The following ASPH variants were observed in gnomAD, a reference collection of about 807,000 sequenced individuals.
ASPH encodes aspartyl/asparaginyl beta-hydroxylase.
A neutral mutation model predicts 118.4 loss-of-function variants in ASPH; 100 were observed. The ratio of observed to expected loss-of-function variants is 0.84; its 90% CI spans 0.72 to 1.00. The LOEUF is 1.00. Among genes scored for constraint, ASPH ranks in the 50% least tolerant of loss-of-function variants. The pLI is 0.00. For synonymous variants in ASPH, 315 were observed against 325.6 expected (o/e 0.97, Z 0.35); for missense variants, 920 against 919.5 (o/e 1.00, Z -0.01).
Position 61,517,537 on chromosome 8 carries a change from T to C in ASPH, c.2117A>G (p.Asn706Ser). 2.5e-6 allele frequency: 4 copies of C among 1,614,104 alleles called. No individual in the cohort carries two copies. The highest frequency in any genetic ancestry group is 3.4e-6 in the Non-Finnish European group (4 of 1,179,948). Residue 706 changes from asparagine (N) to serine (S), a missense_variant, in exon 24 of 25, where the codon AAC becomes AGC. Transcript: ENST00000379454. The stretch of plus-strand genomic sequence containing the variant: ...AACAGAGGACCCATACTTGGTCTCG[T>C]TGGCACATCGAATCTTGCAGCCTTC... Reference protein sequence around the residue: ...PKEGCKIRCANETKTWEEGKV... With the variant: ...PKEGCKIRCASETKTWEEGKV...
intron 13 of ASPH, among the ~76,000 whole-genome samples, chr8:61,628,014 C>G (rs1346205905): frequency 2.0e-5 from 3 of 152,058 alleles, no homozygotes; most frequent in Non-Finnish European, 4.4e-5. Context: ...TGCAGCCAAG[C>G]TCCCACCATT....
At chr8:61,518,562 G>A (rs1291635122) in intron 22 of ASPH, among the ~76,000 whole-genome samples, 1 of 152,032 alleles carries the variant, frequency 6.6e-6, no homozygotes, top group Non-Finnish European at 1.5e-5. Context: ...AACATATTTT[G>A]TATGTTATAT....
chr8:61,526,014 T>C lies in ASPH; in HGVS notation c.1863A>G (p.Glu621=). 6.2e-7 allele frequency: 1 copy of C among 1,614,022 alleles called. No individual in the cohort carries two copies. ...GCGTGAACTGGCTCCAGTCCCCTTT[T>C]TCCCTCAGGTTTTCATCCTCAGGCA... is the stretch of plus-strand genomic sequence containing the variant. ...LFLPEDENLR[E]KGDWSQFTLW... is the part of the protein sequence containing the mutation. Residue 621 remains glutamate (E), a synonymous_variant, in exon 22 of 25, where the codon GAA becomes GAG. Transcript: ENST00000379454.
intron 4 of ASPH, 140 bp downstream of exon 4, chr8:61,653,428 A>G (rs1812096983): frequency 3.9e-6 from 3 of 767,514 alleles, no homozygotes; most frequent in Non-Finnish European, 6.1e-6. Context: ...ATACTACATA[A>G]TTTCAGAAGA....
intron 1 of ASPH, among the ~76,000 whole-genome samples, chr8:61,711,451 T>C (rs1318887109): frequency 3.3e-5 from 5 of 152,204 alleles, no homozygotes; most frequent in African/African-American, 1.2e-4. Flanking sequence ...AATTTATTCA[T>C]GTTTCTTTTA....
chr8:61,510,224 T>C (rs1276925432), intron 24 of ASPH, among the ~76,000 whole-genome samples: 2 of 152,174 alleles, frequency 1.3e-5, no homozygotes, highest in African/African-American at 2.4e-5. Context: ...CTTCCTAATA[T>C]ACAGATGGGG....
chr8:61,559,774 CATAACAT>C (rs1829137519), intron 18 of ASPH, among the ~76,000 whole-genome samples: 2 of 152,180 alleles, frequency 1.3e-5, no homozygotes, highest in East Asian at 1.9e-4. Flanking sequence ...TACATGTACA[CATAACAT>C]ATAAGTACAT....
At chr8:61,604,634 C>A (rs1845043454) in intron 14 of ASPH, among the ~76,000 whole-genome samples, 1 of 152,112 alleles carries the variant, frequency 6.6e-6, no homozygotes, top group African/African-American at 2.4e-5. Context: ...ATGTTGTGAT[C>A]CCTTTTATGA....
At chr8:61,522,339 G>T (rs1813423665) in intron 22 of ASPH, among the ~76,000 whole-genome samples, 2 of 152,132 alleles carry the variant, frequency 1.3e-5, no homozygotes, top group Non-Finnish European at 2.9e-5. Flanking sequence ...TTTTCTCACA[G>T]TTCTGGAGGC....
chr8:61,626,292 AG>A, intron 13 of ASPH: 1 of 1,561,454 alleles, frequency 6.4e-7, no homozygotes, highest in East Asian at 2.4e-5. Context: ...TGCAAAAATA[AG>A]GGGAAATCTA....
intron 14 of ASPH, among the ~76,000 whole-genome samples, chr8:61,604,128 CACAG>C: frequency 6.6e-6 from 1 of 152,282 alleles, no homozygotes. Flanking sequence ...GACTTTGCTC[CACAG>C]ACAATGTGGT....
At chr8:61,691,986 CGT>C (rs1455603033) in intron 1 of ASPH, among the ~76,000 whole-genome samples, 1 of 152,188 alleles carries the variant, frequency 6.6e-6, no homozygotes, top group Non-Finnish European at 1.5e-5. Flanking sequence ...TACAGCTAAA[CGT>C]CAAACTGTAG....
chr8:61,622,649 C>G (rs1332142306), intron 13 of ASPH, among the ~76,000 whole-genome samples: 1 of 152,172 alleles, frequency 6.6e-6, no homozygotes, highest in African/African-American at 2.4e-5. Context: ...AGTTAGTTGC[C>G]TAACCATCTT....
At chr8:61,624,695 C>G in intron 13 of ASPH, 8 of 985,618 alleles carry the variant, frequency 8.1e-6, no homozygotes, top group Non-Finnish European at 9.6e-6. Context: ...TTAACCACAG[C>G]ATAATGAATC....
chr8:61,706,419 A>AG, intron 1 of ASPH, among the ~76,000 whole-genome samples: 3 of 145,128 alleles, frequency 2.1e-5, no homozygotes, highest in African/African-American at 8.1e-5. Context: ...AAAAAAAAAA[A>AG]AAAAAAAAAA....
Position 61,714,439 on chromosome 8 carries a change from G to A in ASPH, c.-68C>T. 1 of 1,366,148 alleles carries A rather than the reference G, an allele frequency of 7.3e-7. No individual in the cohort carries two copies. The highest frequency in any genetic ancestry group is 3.1e-5 in the East Asian group (1 of 32,328). The allele number at this position is 1,366,148 out of a possible 1,614,324, so 84.6% of individuals were successfully genotyped here. On this transcript the variant is annotated 5_prime_UTR_variant, in exon 1 of 25. Transcript: ENST00000379454. ...CAGTGCGCGGGGGTACACACGCGAC[G>A]CGGGAACCGCTGGCGGCGGCGGGCC... is the stretch of plus-strand genomic sequence containing the variant.
chr8:61,517,415 C>T (rs1039059743), intron 24 of ASPH, 113 bp downstream of exon 24: 2 of 1,431,838 alleles, frequency 1.4e-6, no homozygotes, highest in Non-Finnish European at 1.9e-6. Flanking sequence ...TCACTTTGCT[C>T]CAGTCTACTT....
At chr8:61,631,465 A>G (rs1018390571) in intron 13 of ASPH, among the ~76,000 whole-genome samples, 1 of 152,162 alleles carries the variant, frequency 6.6e-6, no homozygotes, top group African/African-American at 2.4e-5. Flanking sequence ...ATACCATTGC[A>G]TTATAACTGC....
At position 61,567,294 on chromosome 8, in the gene ASPH, T is replaced by A. The variant is rs1249985871; in HGVS notation, c.1174A>T (p.Arg392Trp). 6.2e-7 allele frequency: 1 copy of A among 1,613,906 alleles called. No homozygotes were observed. The highest frequency in any genetic ancestry group is 8.5e-7 in the Non-Finnish European group (1 of 1,179,920). The change falls in exon 17 of 25, where the codon AGG becomes TGG. Residue 392 changes from arginine to tryptophan, a missense_variant. Physicochemically the swap from Arg to Trp is moderately radical, Grantham distance 101. Coordinates refer to ENST00000379454, the MANE Select transcript of ASPH (RefSeq NM_004318.4). ...AQCEDDLAEK[R>W]RSNEVLRGAI... is the part of the protein sequence containing the mutation. The stretch of plus-strand genomic sequence containing the variant: ...CCACGTAGCACCTCATTACTTCTCC[T>A]CTTCTCAGCCAAATCATCCTCACAC...
Sources: gnomAD v4.1 joint callset for allele counts (sites outside exome capture counted in the v4.1 genomes callset) on GRCh38, gnomAD v4.1.1 for gene constraint, MANE v1.5 for transcripts, NCBI Gene and HGNC (gene_info 2026-07-23, HGNC 2026-07-21) for gene names.